EFNA5: variants seen among roughly 807,000 people sequenced by gnomAD.
EFNA5 encodes the protein ephrin-A5.
In EFNA5, 5 loss-of-function variants were observed where a neutral mutation model predicts 22.9. That is an observed-to-expected ratio of 0.22 (90% CI 0.11 to 0.46). The LOEUF is 0.46. Among genes scored for constraint, EFNA5 ranks in the 20% least tolerant of loss-of-function variants. The probability of loss-of-function intolerance (pLI) is 0.99; values close to 1 mark genes in which losing one functional copy is unlikely to be tolerated. For synonymous variants in EFNA5, 113 were observed against 112.2 expected (o/e 1.01, Z -0.04); for missense variants, 237 against 293.3 (o/e 0.81, Z 1.40).
chr5:107,535,743 C>T lies in EFNA5; in HGVS notation c.126-108234G>A, dbSNP rs532005343. On this transcript the variant is annotated intron_variant, in intron 1 of 4. Coordinates refer to ENST00000333274, the MANE Select transcript of EFNA5 (RefSeq NM_001962.3). ...TTCTTACTCGATGACAGTTTTTTCT[C>T]GAGGTCGTTATGGGCAAAATTAATT... Among the ~76,000 whole-genome samples, 4 of 152,046 alleles carry T rather than the reference C, an allele frequency of 2.6e-5. No individual in the cohort carries two copies. In the East Asian group the frequency reaches 5.8e-4, roughly 22 times the overall value.
At chr5:107,500,371 T>A (rs1747105099) in intron 1 of EFNA5, among the ~76,000 whole-genome samples, 1 of 152,374 alleles carries the variant, frequency 6.6e-6, no homozygotes, top group South Asian at 2.1e-4. Flanking sequence ...GCATTTCTTC[T>A]TTCTGTTGCT....
chr5:107,498,952 A>G (rs62355579), intron 1 of EFNA5, among the ~76,000 whole-genome samples: 1 of 35,958 alleles, frequency 2.8e-5, no homozygotes, highest in Non-Finnish European at 4.9e-5. Context: ...CTTTATGTAT[A>G]TAAGTATGTA....
intron 2 of EFNA5, among the ~76,000 whole-genome samples, chr5:107,402,124 G>C (rs185561554): frequency 5.4e-4 from 82 of 152,310 alleles, no homozygotes; most frequent in African/African-American, 1.9e-3. Context: ...GAGATATGTA[G>C]ATATTCAATT....
chr5:107,479,148 G>A (rs974056284), intron 1 of EFNA5, among the ~76,000 whole-genome samples: 5 of 152,126 alleles, frequency 3.3e-5, no homozygotes, highest in African/African-American at 1.2e-4. Flanking sequence ...TTCACACTTG[G>A]TAAGCAGCAC....
intron 1 of EFNA5, among the ~76,000 whole-genome samples, chr5:107,458,352 G>C (rs1274928485): frequency 6.6e-6 from 1 of 152,018 alleles, no homozygotes; most frequent in East Asian, 1.9e-4. Context: ...ATTTCGGCCT[G>C]GTCAGGGGGA....
At chr5:107,412,981 C>T (rs1033874925) in intron 2 of EFNA5, among the ~76,000 whole-genome samples, 2 of 152,156 alleles carry the variant, frequency 1.3e-5, no homozygotes, top group Non-Finnish European at 2.9e-5. Flanking sequence ...AAAAATTTGT[C>T]ATGGAAGCTA....
At chr5:107,435,096 A>G (rs954981459) in intron 1 of EFNA5, among the ~76,000 whole-genome samples, 4 of 152,194 alleles carry the variant, frequency 2.6e-5, no homozygotes, top group African/African-American at 9.7e-5. Context: ...TTTCAGAACA[A>G]GATGTCTGTT....
At chr5:107,459,539 T>C (rs751525304) in intron 1 of EFNA5, among the ~76,000 whole-genome samples, 16 of 152,144 alleles carry the variant, frequency 1.1e-4, no homozygotes, top group Non-Finnish European at 1.9e-4. Flanking sequence ...TTGGCTAACA[T>C]TGCCAAGTTC....
intron 1 of EFNA5, among the ~76,000 whole-genome samples, chr5:107,607,498 A>G (rs1409118742): frequency 6.6e-6 from 1 of 152,246 alleles, no homozygotes; most frequent in Middle Eastern, 3.2e-3. Flanking sequence ...CTTTAAAACG[A>G]ATTATATTTT....
At chr5:107,440,963 C>G (rs535629069) in intron 1 of EFNA5, among the ~76,000 whole-genome samples, 1 of 149,898 alleles carries the variant, frequency 6.7e-6, no homozygotes, top group African/African-American at 2.5e-5. Context: ...TTGTACATGC[C>G]AAATATTTAT....
chr5:107,473,544 C>CCTGTATTTTAGGCTA (rs1750199638), intron 1 of EFNA5, among the ~76,000 whole-genome samples: 1 of 152,216 alleles, frequency 6.6e-6, no homozygotes, highest in African/African-American at 2.4e-5. Context: ...ATACAGGTAG[C>CCTGTATTTTAGGCTA]CTAACACTCT....
chr5:107,413,947 T>A (rs1748436956), intron 2 of EFNA5, among the ~76,000 whole-genome samples: 3 of 152,146 alleles, frequency 2.0e-5, no homozygotes. Flanking sequence ...AACATTCACA[T>A]CACAAAGACT....
At chr5:107,521,914 C>T (rs888005358) in intron 1 of EFNA5, among the ~76,000 whole-genome samples, 1 of 152,080 alleles carries the variant, frequency 6.6e-6, no homozygotes, top group African/African-American at 2.4e-5. Flanking sequence ...CACACTACAG[C>T]CTCCAACTCC....
At chr5:107,639,693 T>A (rs1386170140) in intron 1 of EFNA5, among the ~76,000 whole-genome samples, 1 of 152,146 alleles carries the variant, frequency 6.6e-6, no homozygotes, top group Non-Finnish European at 1.5e-5. Context: ...CATAGGTTAA[T>A]AAGAGCAAGC....
intron 1 of EFNA5, among the ~76,000 whole-genome samples, chr5:107,666,213 G>A (rs1363870): frequency 0.12 from 18,149 of 152,032 alleles, 1,108 homozygotes; most frequent in Admixed American, 0.14. Flanking sequence ...AGGTCACAGT[G>A]CCGGCATACT....
intron 1 of EFNA5, among the ~76,000 whole-genome samples, chr5:107,669,076 G>A (rs1751129646): frequency 6.6e-6 from 1 of 151,972 alleles, no homozygotes; most frequent in Non-Finnish European, 1.5e-5. Flanking sequence ...TTCTGTAACC[G>A]GCGGACTGCT....
chr5:107,484,800 A>ATT lies in EFNA5; in HGVS notation c.126-57293_126-57292dup, dbSNP rs5870263. Among the ~76,000 whole-genome samples, 49 of 147,872 alleles carry ATT rather than the reference A, an allele frequency of 3.3e-4. No homozygotes were observed. In the East Asian group the frequency reaches 3.7e-3, roughly 11 times the overall value. ...TTAACTGTGATAGTTATGATTTTGT[A>ATT]TTTTTTTTTTTTAGATTTCTGAGTT... On this transcript the variant is annotated intron_variant, in intron 1 of 4. Coordinates refer to ENST00000333274, the MANE Select transcript of EFNA5 (RefSeq NM_001962.3).
intron 1 of EFNA5, among the ~76,000 whole-genome samples, chr5:107,670,280 A>G (rs1195278122): frequency 6.7e-6 from 1 of 149,656 alleles, no homozygotes; most frequent in South Asian, 2.1e-4. Context: ...GGGGACTCCC[A>G]GGGGTACCTG....
chr5:107,495,068 A>T (rs187860155), intron 1 of EFNA5, among the ~76,000 whole-genome samples: 81 of 152,260 alleles, frequency 5.3e-4, no homozygotes, highest in Non-Finnish European at 1.1e-3. Context: ...GGGGCCACAT[A>T]AGAGAATAAA....
Sources: gnomAD v4.1 joint callset for allele counts (sites outside exome capture counted in the v4.1 genomes callset) on GRCh38, gnomAD v4.1.1 for gene constraint, MANE v1.5 for transcripts, NCBI Gene and HGNC (gene_info 2026-07-23, HGNC 2026-07-21) for gene names.